Variants in ACTR3C observed in about 807,000 individuals in gnomAD.
ACTR3C encodes actin-related protein 3C.
In ACTR3C, 18 loss-of-function variants were observed where a neutral mutation model predicts 26.3. That is an observed-to-expected ratio of 0.68 (90% CI 0.47 to 1.01). The LOEUF is 1.01. ACTR3C is among the 50% of genes least tolerant of loss of function. The probability of loss-of-function intolerance (pLI) is 0.00; values close to 1 mark genes in which losing one functional copy is unlikely to be tolerated. For missense variants in ACTR3C, 184 were observed against 250.7 expected (o/e 0.73, Z 1.80); for synonymous variants, 55 against 94.5 (o/e 0.58, Z 2.42).
chr7:150,306,020 C>T (rs1195422978), intron 1 of ACTR3C, among the ~76,000 whole-genome samples: 1 of 152,202 alleles, frequency 6.6e-6, no homozygotes, highest in African/African-American at 2.4e-5. Flanking sequence ...ATTTACCATT[C>T]TCATCACTTC....
the ACTR3C span, among the ~76,000 whole-genome samples, chr7:150,072,532 T>C: frequency 4.2e-5 from 6 of 143,660 alleles, no homozygotes; most frequent in African/African-American, 1.5e-4. Context: ...CTGTCCCGGC[T>C]CCACAGCCAT....
At chr7:149,968,128 C>G in the ACTR3C span, among the ~76,000 whole-genome samples, 2 of 152,374 alleles carry the variant, frequency 1.3e-5, no homozygotes, top group East Asian at 3.9e-4. Flanking sequence ...GGAGAAGACC[C>G]AGCAGTAACA....
At chr7:149,900,179 T>C in the ACTR3C span, among the ~76,000 whole-genome samples, 2 of 151,724 alleles carry the variant, frequency 1.3e-5, no homozygotes, top group East Asian at 3.9e-4. Flanking sequence ...GTTTTTGTTT[T>C]TTTGGTTTGT....
the ACTR3C span, among the ~76,000 whole-genome samples, chr7:149,905,766 C>G: frequency 2.0e-5 from 3 of 151,734 alleles, no homozygotes; most frequent in African/African-American, 7.3e-5. Flanking sequence ...TTAGACTGAC[C>G]AAAATGTGAG....
the ACTR3C span, among the ~76,000 whole-genome samples, chr7:149,887,610 A>G: frequency 6.6e-6 from 1 of 152,166 alleles, no homozygotes; most frequent in Non-Finnish European, 1.5e-5. Context: ...TGGATGGCCT[A>G]CTGGGCCCAG....
the ACTR3C span, among the ~76,000 whole-genome samples, chr7:150,120,296 C>T: frequency 6.6e-6 from 1 of 152,048 alleles, no homozygotes; most frequent in Non-Finnish European, 1.5e-5. Flanking sequence ...AATCCAGGAG[C>T]TGGTTTTTTC....
At chr7:150,276,233 A>G (rs1337427119) in intron 6 of ACTR3C, among the ~76,000 whole-genome samples, 2 of 152,116 alleles carry the variant, frequency 1.3e-5, no homozygotes, top group Non-Finnish European at 2.9e-5. Context: ...AAAAATTTTC[A>G]TTCCTGTAAT....
chr7:150,275,064 C>G (rs1834760085), intron 6 of ACTR3C, among the ~76,000 whole-genome samples: 2 of 152,346 alleles, frequency 1.3e-5, no homozygotes, highest in East Asian at 3.9e-4. Flanking sequence ...CTCAAGCCAG[C>G]AGATTCTCAA....
chr7:150,117,614 C>T, the ACTR3C span, among the ~76,000 whole-genome samples: 2 of 152,236 alleles, frequency 1.3e-5, no homozygotes, highest in Non-Finnish European at 2.9e-5. Flanking sequence ...TCCCATCTCC[C>T]TGAGACACAG....
chr7:149,909,071 C>A, the ACTR3C span, among the ~76,000 whole-genome samples: 11 of 151,348 alleles, frequency 7.3e-5, no homozygotes, highest in Non-Finnish European at 1.3e-4. Flanking sequence ...CGTGAGCCAC[C>A]ACGCCCAGCC....
At chr7:149,985,509 T>C in the ACTR3C span, among the ~76,000 whole-genome samples, 2 of 152,174 alleles carry the variant, frequency 1.3e-5, no homozygotes, top group Admixed American at 6.5e-5. Flanking sequence ...CAGACACCAT[T>C]ATTATCCCCA....
chr7:150,284,389 C>CA (rs991741324), intron 6 of ACTR3C, among the ~76,000 whole-genome samples: 1 of 151,940 alleles, frequency 6.6e-6, no homozygotes, highest in Non-Finnish European at 1.5e-5. Flanking sequence ...GAAACACACA[C>CA]AAAAAAATTC....
At chr7:149,984,032 T>G in the ACTR3C span, among the ~76,000 whole-genome samples, 1 of 152,304 alleles carries the variant, frequency 6.6e-6, no homozygotes, top group South Asian at 2.1e-4. Context: ...TCTAGATATT[T>G]GCTGTATCCT....
the ACTR3C span, among the ~76,000 whole-genome samples, chr7:150,200,927 T>C: frequency 2.0e-4 from 31 of 151,824 alleles, no homozygotes; most frequent in African/African-American, 7.3e-4. Flanking sequence ...TTTTCCCAGG[T>C]TGCTGTACTT....
the ACTR3C span, among the ~76,000 whole-genome samples, chr7:149,927,784 A>C: frequency 6.6e-6 from 1 of 152,168 alleles, no homozygotes; most frequent in African/African-American, 2.4e-5. Flanking sequence ...AAAAATAAAA[A>C]TAAGTAAGCA....
chr7:150,126,618 T>C, the ACTR3C span, among the ~76,000 whole-genome samples: 9 of 152,170 alleles, frequency 5.9e-5, no homozygotes, highest in Non-Finnish European at 1.3e-4. Context: ...AAACACCCCA[T>C]CAAGGATGCA....
chr7:150,297,344 T>G (rs1794987880), intron 1 of ACTR3C, among the ~76,000 whole-genome samples: 1 of 149,678 alleles, frequency 6.7e-6, no homozygotes, highest in African/African-American at 2.5e-5. Flanking sequence ...GCACATTATG[T>G]GTCAATTTAA....
chr7:150,155,174 G>A, the ACTR3C span, among the ~76,000 whole-genome samples: 1 of 152,140 alleles, frequency 6.6e-6, no homozygotes, highest in African/African-American at 2.4e-5. Context: ...ACGGAGATCC[G>A]GTGGAAAATA....
chr7:150,121,015 C>T, the ACTR3C span, among the ~76,000 whole-genome samples: 1 of 152,120 alleles, frequency 6.6e-6, no homozygotes, highest in Non-Finnish European at 1.5e-5. Flanking sequence ...GCAGAAAAGG[C>T]CTTTGATAAA....
Sources: allele counts gnomAD v4.1 joint callset (sites outside exome capture counted in the v4.1 genomes callset), GRCh38; gene constraint gnomAD v4.1.1; transcripts MANE v1.5; gene names NCBI Gene and HGNC (gene_info 2026-07-23, HGNC 2026-07-21).